ZNF285: variants seen among roughly 807,000 people sequenced by gnomAD.
ZNF285 encodes the protein zinc finger protein 285A.
In ZNF285, 4 loss-of-function variants were observed where a neutral mutation model predicts 6.2. The observed-to-expected ratio is 0.65, with a 90% CI of 0.32 to 1.49. The LOEUF is 1.49. Ranked by LOEUF, ZNF285 falls within the 40% of genes most tolerant of loss-of-function variation. The probability of loss-of-function intolerance (pLI) is 0.07; values close to 1 mark genes in which losing one functional copy is unlikely to be tolerated. For synonymous variants in ZNF285, 240 were observed against 245.8 expected, an observed-to-expected ratio of 0.98 and a Z score of 0.22; for missense variants, 695 against 708.8, an observed-to-expected ratio of 0.98 and a Z score of 0.22.
Position 44,384,648 on chromosome 19 carries a change from A to G in ZNF285, c.*1824T>C, listed in dbSNP as rs1302246136. The G allele has an allele frequency of 1.3e-5, 2 of 152,074 alleles. No individual in the cohort carries two copies. The highest frequency in any genetic ancestry group is 2.4e-5 in the African/African-American group (1 of 41,422). The allele number at this position is 152,074 out of a possible 1,614,324, so 9.4% of individuals were successfully genotyped here. On this transcript the variant is annotated 3_prime_UTR_variant, in exon 4 of 4. Transcript: ENST00000614994. The stretch of plus-strand genomic sequence containing the variant: ...AACCATGATCCAAATGAAGAAACCT[A>G]TAAGTCAATTAAAACAAAAAAGGAC...
At position 44,387,737 on chromosome 19, in the gene ZNF285, A is replaced by G. The variant is rs1229794325; in HGVS notation, c.508T>C (p.Tyr170His). ...QNSQGRYKGIYMEEKLYRRAQ... is the reference protein window; with the variant it reads ...QNSQGRYKGIHMEEKLYRRAQ... ...CGTCTGTACAATTTCTCTTCCATGT[A>G]AATTCCCTTATATCTTCCCTGAGAG... The change falls in exon 4 of 4, where the codon TAC (tyrosine) becomes CAC (histidine). Residue 170 changes from tyrosine to histidine, a missense_variant. Coordinates refer to ENST00000614994, the MANE Select transcript of ZNF285 (RefSeq NM_152354.6). The G allele has an allele frequency of 6.2e-7, 1 of 1,613,744 alleles. No homozygotes were observed. Among genetic ancestry groups the G allele is most frequent in the Non-Finnish European group, 8.5e-7 (1 of 1,179,850 alleles).
At chr19:44,397,690 G>C (rs541021686) in intron 1 of ZNF285, among the ~76,000 whole-genome samples, 215 of 152,158 alleles carry the variant, frequency 1.4e-3, no homozygotes, top group Non-Finnish European at 2.1e-3. Flanking sequence ...TTCGAGACCA[G>C]CCTGGACAAC....
Position 44,386,803 on chromosome 19 carries a change from T to C in ZNF285, c.1442A>G (p.Glu481Gly). The C allele has an allele frequency of 5.6e-6, 9 of 1,614,252 alleles. No individual in the cohort carries two copies. The highest frequency in any genetic ancestry group is 6.8e-6 in the Non-Finnish European group (8 of 1,180,044). ...ACACACTTCACATTTATATGGTTTT[T>C]CTCCAGTGTGAACTCTCTGATGAGT... Reference protein sequence around the residue: ...LHTHQRVHTGEKPYKCEVCGK... With the variant: ...LHTHQRVHTGGKPYKCEVCGK... Residue 481 changes from glutamate to glycine, a missense_variant, in exon 4 of 4, where the codon GAA becomes GGA. By Grantham distance (98) the Glu-to-Gly change is moderately conservative. Transcript: ENST00000614994.
At chr19:44,394,003 A>C (rs994452692) in intron 2 of ZNF285, among the ~76,000 whole-genome samples, 18 of 152,160 alleles carry the variant, frequency 1.2e-4, no homozygotes, top group Admixed American at 6.5e-5. Flanking sequence ...AAGACTTGGA[A>C]CCAAGCCAAA....
rs138001522 is a variant in ZNF285, at chr19:44,386,686, C to A, written c.1559G>T (p.Gly520Val). Residue 520 changes from glycine to valine, a missense_variant, in exon 4 of 4, where the codon GGC (glycine) becomes GTC (valine). Gly to Val is a moderately radical substitution (Grantham distance 109). Coordinates refer to ENST00000614994, the MANE Select transcript of ZNF285 (RefSeq NM_152354.6). ...KPYKCDECGKGFSRNSDLNVH... is the reference protein window; with the variant it reads ...KPYKCDECGKVFSRNSDLNVH... ...ATTAAGATCTGAATTCCGGCTGAAG[C>A]CTTTACCACACTCATCACATTTATA... The A allele has an allele frequency of 3.7e-6, 6 of 1,613,948 alleles. No homozygotes were observed. The Admixed American group carries it at 8.3e-5, about 22-fold the overall frequency.
intron 2 of ZNF285, among the ~76,000 whole-genome samples, chr19:44,395,289 T>C (rs1431382619): frequency 2.0e-5 from 3 of 152,206 alleles, no homozygotes; most frequent in African/African-American, 7.2e-5. Context: ...TTACAAGAAA[T>C]ACTGTGGATA....
At chr19:44,393,432 C>T (rs147868506) in intron 2 of ZNF285, among the ~76,000 whole-genome samples, 6 of 152,066 alleles carry the variant, frequency 3.9e-5, no homozygotes, top group South Asian at 2.1e-4. Flanking sequence ...TGTCTTCTTT[C>T]GAGAAGTGTC....
At chr19:44,400,569 GTTCTT>G (rs1453071080) in intron 1 of ZNF285, among the ~76,000 whole-genome samples, 1 of 152,042 alleles carries the variant, frequency 6.6e-6, no homozygotes, top group African/African-American at 2.4e-5. Flanking sequence ...ATTTGGGGCA[GTTCTT>G]TTCTTTTCTT....
At chr19:44,395,810 C>T (rs1294293271) in intron 2 of ZNF285, among the ~76,000 whole-genome samples, 1 of 152,098 alleles carries the variant, frequency 6.6e-6, no homozygotes, top group African/African-American at 2.4e-5. Flanking sequence ...AAACCTGGGC[C>T]TTGACAGATC....
At chr19:44,396,363 C>T (rs1167712946) in intron 2 of ZNF285, among the ~76,000 whole-genome samples, 1 of 152,066 alleles carries the variant, frequency 6.6e-6, no homozygotes, top group Non-Finnish European at 1.5e-5. Flanking sequence ...AAAGAAAATC[C>T]TTCCTCCACA....
At position 44,387,428 on chromosome 19, in the gene ZNF285, G is replaced by C. The variant is rs1269228266; in HGVS notation, c.817C>G (p.Gln273Glu). The C allele has an allele frequency of 1.2e-6, 2 of 1,614,070 alleles. No homozygotes were observed. The highest frequency in any genetic ancestry group is 1.7e-6 in the Non-Finnish European group (2 of 1,180,010). ...DQYGKNFSQS[Q>E]DLIVHCKTHS... ...GTTTTACAATGAACGATAAGATCTT[G>C]GCTCTGACTAAAGTTCTTTCCATAC... The change falls in exon 4 of 4, where the codon CAA becomes GAA. Residue 273 changes from glutamine (Q) to glutamate (E), a missense_variant. Transcript: ENST00000614994.
At chr19:44,400,164 T>A (rs563670781) in intron 1 of ZNF285, among the ~76,000 whole-genome samples, 1 of 149,162 alleles carries the variant, frequency 6.7e-6, no homozygotes, top group East Asian at 2.0e-4. Flanking sequence ...ACCTCAAGAC[T>A]CTTGTTTTTT....
chr19:44,394,424 A>T lies in ZNF285; in HGVS notation c.16-1958T>A, dbSNP rs1971246854. On this transcript the variant is annotated intron_variant, in intron 2 of 3. Transcript: ENST00000614994. ...CTTAAAGTATAATAAAAAAAAAAGA[A>T]GTACTGAAATAACCTATTGGGTATT... is the stretch of plus-strand genomic sequence containing the variant. 1.2e-5 allele frequency: 5 copies of T among 432,150 alleles called. No individual in the cohort carries two copies. The South Asian group carries it at 2.7e-4, about 23-fold the overall frequency. 26.8% of individuals were successfully genotyped at this position (432,150 alleles called of 1,614,324 possible).
chr19:44,392,082 G>C, intron 3 of ZNF285: 1 of 1,034,554 alleles, frequency 9.7e-7, no homozygotes, highest in Non-Finnish European at 1.3e-6. Context: ...GAGTAGGGGA[G>C]GGAGGGCTTA....
At chr19:44,389,661 T>C (rs1160436805) in intron 3 of ZNF285, among the ~76,000 whole-genome samples, 1 of 152,128 alleles carries the variant, frequency 6.6e-6, no homozygotes, top group Admixed American at 6.5e-5. Flanking sequence ...CTTTAAGATT[T>C]AGGGTACACG....
chr19:44,391,973 T>TAC (rs1971203385), intron 3 of ZNF285, among the ~76,000 whole-genome samples: 2 of 152,106 alleles, frequency 1.3e-5, no homozygotes, highest in African/African-American at 4.8e-5. Flanking sequence ...AACATTGGTT[T>TAC]TTTTCTCCAG....
chr19:44,395,971 A>G (rs559658791), intron 2 of ZNF285, among the ~76,000 whole-genome samples: 1 of 152,282 alleles, frequency 6.6e-6, no homozygotes, highest in East Asian at 1.9e-4. Context: ...GAGGCTGGAA[A>G]AATGGTGACC....
chr19:44,387,707 G>A lies in ZNF285; in HGVS notation c.538C>T (p.Gln180Ter), dbSNP rs770305554. The A allele has an allele frequency of 5.0e-6, 8 of 1,613,836 alleles. No homozygotes were observed. The highest frequency in any genetic ancestry group is 3.3e-5 in the Admixed American group (2 of 59,986). Reference protein sequence around the residue: ...YMEEKLYRRAQHDDSLSWTSC... With the variant: ...YMEEKLYRRA Reference sequence around the variant, plus strand: ...GTCCAACTGAGGCTGTCATCATGCTGAGCACGTCTGTACAATTTCTCTTCC... The same window carrying A: ...GTCCAACTGAGGCTGTCATCATGCTAAGCACGTCTGTACAATTTCTCTTCC... The change falls in exon 4 of 4, where the codon CAG becomes TAG. Residue 180 changes from glutamine to a stop codon, truncating the protein, a stop_gained. Transcript: ENST00000614994. LOFTEE classifies it low-confidence loss of function (END_TRUNC).
At chr19:44,397,377 C>G (rs187974681) in intron 1 of ZNF285, 121 bp from the exon 2 acceptor site, 6 of 1,208,138 alleles carry the variant, frequency 5.0e-6, no homozygotes, top group Admixed American at 2.0e-5. Flanking sequence ...CATCTCTTCT[C>G]GCTCTGAACA....
Sources: allele counts gnomAD v4.1 joint callset (sites outside exome capture counted in the v4.1 genomes callset), GRCh38; gene constraint gnomAD v4.1.1; transcripts MANE v1.5; gene names NCBI Gene and HGNC (gene_info 2026-07-23, HGNC 2026-07-21).